Variants in C5 observed in about 807,000 individuals in gnomAD.
C5 encodes the protein C3 and PZP-like alpha-2-macroglobulin domain-containing protein 4.
A neutral mutation model predicts 218.8 loss-of-function variants in C5; 140 were observed. That is an observed-to-expected ratio of 0.64 (90% CI 0.56 to 0.74). The LOEUF is 0.74. C5 is among the 30% of genes least tolerant of loss of function. The pLI is 0.00. For missense variants in C5, 1,700 were observed against 1,969.6 expected, an observed-to-expected ratio of 0.86 and a Z score of 2.59; for synonymous variants, 614 against 682.3, an observed-to-expected ratio of 0.90 and a Z score of 1.56.
chr9:120,954,008 C>T, intron 39 of C5, 140 bp from the exon 40 acceptor site: 2 of 836,436 alleles, frequency 2.4e-6, no homozygotes, highest in South Asian at 1.5e-5. Flanking sequence ...GTGGTTAAGG[C>T]TTCAGTCTCT....
chr9:120,958,849 T>C (rs893160219), intron 38 of C5, among the ~76,000 whole-genome samples: 1 of 151,958 alleles, frequency 6.6e-6, no homozygotes, highest in African/African-American at 2.4e-5. Context: ...CAGGCTGGAG[T>C]GCAATGGCTT....
the C5 span, among the ~76,000 whole-genome samples, chr9:121,057,108 C>G: frequency 6.6e-6 from 1 of 152,110 alleles, no homozygotes; most frequent in Non-Finnish European, 1.5e-5. Context: ...AACATCCAAC[C>G]TAGAATATTA....
At chr9:121,050,054 T>A in intron 1 of C5, 128 bp downstream of exon 1, 1 of 791,796 alleles carries the variant, frequency 1.3e-6, no homozygotes, top group Non-Finnish European at 2.3e-6. Flanking sequence ...CATTCAGAGA[T>A]GATACTATTC....
Position 120,962,614 on chromosome 9 carries a change from G to A in C5, c.4504+57C>T, listed in dbSNP as rs2046835207. 3 of 1,304,738 alleles carry A rather than the reference G, an allele frequency of 2.3e-6. No homozygotes were observed. The Admixed American group carries it at 5.0e-5, about 22-fold the overall frequency. 80.8% of individuals were successfully genotyped at this position (1,304,738 alleles called of 1,614,324 possible). A position where few individuals can be genotyped will look rare whatever the true frequency, so the allele number is the denominator to read the frequency against. ...ACAGGACTCTAGTGGATTTCTAAAT[G>A]TTCTGGAAAGAATACAAAGTATTCT... On this transcript the variant is annotated intron_variant, in intron 36 of 40. Transcript: ENST00000223642.
chr9:121,002,297 T>C (rs182550311), intron 20 of C5, among the ~76,000 whole-genome samples: 7,267 of 121,196 alleles, frequency 0.06, 356 homozygotes, highest in Non-Finnish European at 0.084. Context: ...TATGTATATA[T>C]GTATATATAT....
At chr9:121,007,222 G>C (rs1468881244) in intron 18 of C5, among the ~76,000 whole-genome samples, 2 of 152,184 alleles carry the variant, frequency 1.3e-5, no homozygotes, top group Admixed American at 1.3e-4. Flanking sequence ...GAATGCCTTT[G>C]AAACATTGCA....
chr9:121,036,395 T>C (rs113921000), intron 4 of C5, among the ~76,000 whole-genome samples: 6 of 152,290 alleles, frequency 3.9e-5, no homozygotes, highest in African/African-American at 1.4e-4. Context: ...ACATTCATTT[T>C]TCTGCAGGTT....
At chr9:120,983,713 G>A (rs931672274) in intron 25 of C5, among the ~76,000 whole-genome samples, 4 of 152,084 alleles carry the variant, frequency 2.6e-5, no homozygotes, top group African/African-American at 7.2e-5. Flanking sequence ...TTGGAAGGCT[G>A]AGGTGGGAGA....
Position 120,962,923 on chromosome 9 carries a change from T to G in C5, c.4368A>C (p.Lys1456Asn), listed in dbSNP as rs775658749. 22 of 1,614,022 alleles carry G rather than the reference T, an allele frequency of 1.4e-5. No homozygotes were observed. Among genetic ancestry groups the G allele is most frequent in the Non-Finnish European group, 1.8e-5 (21 of 1,179,972 alleles). The change falls in exon 35 of 41, where the codon AAA becomes AAC. Residue 1456 changes from lysine to asparagine, a missense_variant. Physicochemically the swap from Lys to Asn is moderately conservative, Grantham distance 94. Transcript: ENST00000223642. ...TCAGTTGCAGAATAACATGTCCATC[T>G]TTGATTTGGTAATCAGTGAATAGTT... ...VDQLFTDYQIKDGHVILQLNS... is the reference protein window; with the variant it reads ...VDQLFTDYQINDGHVILQLNS...
chr9:120,989,235 T>C lies in C5; in HGVS notation c.3155-114A>G. 4.8e-6 allele frequency: 4 copies of C among 829,118 alleles called. No individual in the cohort carries two copies. In the South Asian group the frequency reaches 5.5e-5, roughly 11 times the overall value. 51.4% of individuals were successfully genotyped at this position (829,118 alleles called of 1,614,324 possible). The stretch of plus-strand genomic sequence containing the variant: ...TTCCTTTGGTGTTGGGCAGCAAGCA[T>C]ATGCTCTGTGGCCAGCATTGAACTT... On this transcript the variant is annotated intron_variant, in intron 24 of 40. Transcript: ENST00000223642.
In C5 at chr9:120,952,815, G is replaced by A; in HGVS notation, c.4955C>T (p.Thr1652Ile). ...AAATGCTTGACACGATGAACATGTT[G>A]TGTCTCTAGGCCAGTATTCAATCCA... ...LTWIEYWPRD[T>I]TCSSCQAFLA... is the part of the protein sequence containing the mutation. The change falls in exon 41 of 41, where the codon ACA (threonine) becomes ATA (isoleucine). Residue 1652 changes from threonine to isoleucine, a missense_variant. Coordinates refer to ENST00000223642, the MANE Select transcript of C5 (RefSeq NM_001735.3). The A allele has an allele frequency of 1.2e-6, 2 of 1,613,748 alleles. No individual in the cohort carries two copies. Among genetic ancestry groups the A allele is most frequent in the African/African-American group, 1.3e-5 (1 of 75,046 alleles).
chr9:121,039,051 CT>C (rs1017620791), intron 3 of C5, among the ~76,000 whole-genome samples: 7 of 152,174 alleles, frequency 4.6e-5, no homozygotes, highest in African/African-American at 1.4e-4. Flanking sequence ...GCCTCTGCCA[CT>C]TTTTAGTATG....
At chr9:121,025,365 T>G in intron 9 of C5, 89 bp downstream of exon 9, 3 of 1,298,690 alleles carry the variant, frequency 2.3e-6, no homozygotes, top group Non-Finnish European at 3.0e-6. Flanking sequence ...TTATAGAAAT[T>G]GGAAATTATT....
intron 7 of C5, among the ~76,000 whole-genome samples, chr9:121,027,918 T>C (rs1009748480): frequency 1.3e-5 from 2 of 152,050 alleles, no homozygotes; most frequent in African/African-American, 4.8e-5. Context: ...GCCCACAGAA[T>C]GGAGAAAATT....
At chr9:121,028,419 CACTAGCAAAG>C (rs2047444055) in intron 7 of C5, among the ~76,000 whole-genome samples, 3 of 152,184 alleles carry the variant, frequency 2.0e-5, no homozygotes. Flanking sequence ...GCACTATTCA[CACTAGCAAAG>C]ACTTGGAACC....
intron 30 of C5, among the ~76,000 whole-genome samples, chr9:120,972,606 T>A (rs1355044100): frequency 6.6e-6 from 1 of 152,172 alleles, no homozygotes; most frequent in East Asian, 1.9e-4. Flanking sequence ...TTCTTCCCAC[T>A]CTGCTAGGAG....
At chr9:120,991,960 T>C (rs535868447) in intron 22 of C5, among the ~76,000 whole-genome samples, 1 of 152,322 alleles carries the variant, frequency 6.6e-6, no homozygotes, top group African/African-American at 2.4e-5. Flanking sequence ...GCTTAGAAAG[T>C]AACGTGTTCA....
rs2046753323 is a variant in C5, at chr9:120,952,715, G to A, written c.*24C>T. ...CAACAGGAGTCCATAAGTGCAAACT[G>A]TATGCAGCTGAACTTCAGGAATTTT... is the stretch of plus-strand genomic sequence containing the variant. On this transcript the variant is annotated 3_prime_UTR_variant, in exon 41 of 41. Transcript: ENST00000223642. The A allele has an allele frequency of 6.2e-7, 1 of 1,610,096 alleles. No individual in the cohort carries two copies. Among genetic ancestry groups the A allele is most frequent in the Non-Finnish European group, 8.5e-7 (1 of 1,178,228 alleles).
Position 121,043,035 on chromosome 9 carries a change from T to C in C5, c.390A>G (p.Thr130=), listed in dbSNP as rs747677588. ...GGTCTGGAGTATAAACAGGTTTGTC[T>C]GTATGAATGAAGAGAAATCCATTGT... ...TYDNGFLFIH[T]DKPVYTPDQS... Residue 130 remains threonine (T), a synonymous_variant, in exon 3 of 41, where the codon ACA becomes ACG. Coordinates refer to ENST00000223642, the MANE Select transcript of C5 (RefSeq NM_001735.3). 4 of 1,613,090 alleles carry C rather than the reference T, an allele frequency of 2.5e-6. No individual in the cohort carries two copies. The highest frequency in any genetic ancestry group is 3.4e-6 in the Non-Finnish European group (4 of 1,179,288).
Sources: allele counts gnomAD v4.1 joint callset (sites outside exome capture counted in the v4.1 genomes callset), GRCh38; gene constraint gnomAD v4.1.1; transcripts MANE v1.5; gene names NCBI Gene and HGNC (gene_info 2026-07-23, HGNC 2026-07-21).